The following ARMH3 variants were observed in gnomAD, a reference collection of about 807,000 sequenced individuals.
ARMH3 encodes armadillo-like helical domain-containing protein 3.
A neutral mutation model predicts 99.1 loss-of-function variants in ARMH3; 60 were observed. That is an observed-to-expected ratio of 0.61 (90% CI 0.49 to 0.75). The LOEUF (loss-of-function observed/expected upper bound fraction) is 0.75, where lower values mean the gene tolerates loss of function less well. ARMH3 is among the 30% of genes least tolerant of loss of function. The probability of loss-of-function intolerance (pLI) is 0.00; values close to 1 mark genes in which losing one functional copy is unlikely to be tolerated. For synonymous variants in ARMH3, 285 were observed against 292.8 expected (o/e 0.97, Z 0.27); for missense variants, 679 against 843.1 (o/e 0.81, Z 2.41).
At chr10:101,916,744 G>A (rs1192655466) in intron 23 of ARMH3, among the ~76,000 whole-genome samples, 2 of 152,088 alleles carry the variant, frequency 1.3e-5, no homozygotes, top group African/African-American at 2.4e-5. Context: ...CCATACACTG[G>A]GTAAAGAAGA....
chr10:102,022,961 G>A (rs1224309127), intron 8 of ARMH3, among the ~76,000 whole-genome samples: 1 of 151,834 alleles, frequency 6.6e-6, no homozygotes, highest in Non-Finnish European at 1.5e-5. Flanking sequence ...GGCCAAGGTG[G>A]GCAGATCACC....
At chr10:101,976,991 CT>C (rs919024449) in intron 19 of ARMH3, among the ~76,000 whole-genome samples, 1 of 151,760 alleles carries the variant, frequency 6.6e-6, no homozygotes, top group African/African-American at 2.4e-5. Flanking sequence ...CCTTTCTTTT[CT>C]TTTTTTTGCT....
chr10:102,030,902 C>T (rs1486724819), intron 4 of ARMH3, among the ~76,000 whole-genome samples: 2 of 151,988 alleles, frequency 1.3e-5, no homozygotes, highest in East Asian at 1.9e-4. Flanking sequence ...TCCCATGCTT[C>T]GGTCTTCCTA....
intron 23 of ARMH3, among the ~76,000 whole-genome samples, chr10:101,898,680 GCA>G (rs1233428609): frequency 6.6e-6 from 1 of 152,152 alleles, no homozygotes; most frequent in Non-Finnish European, 1.5e-5. Flanking sequence ...CTCAATACGC[GCA>G]CACGCGCACA....
chr10:101,975,955 C>T (rs1590117229), intron 19 of ARMH3, among the ~76,000 whole-genome samples: 1 of 150,122 alleles, frequency 6.7e-6, no homozygotes, highest in East Asian at 2.0e-4. Context: ...GAGATCAAGA[C>T]CATCCTGGCT....
intron 24 of ARMH3, among the ~76,000 whole-genome samples, chr10:101,869,697 A>AAC (rs2067089033): frequency 6.6e-6 from 1 of 152,202 alleles, no homozygotes; most frequent in South Asian, 2.1e-4. Context: ...AATCAAAGCA[A>AAC]ACAGAAGGAA....
intron 13 of ARMH3, among the ~76,000 whole-genome samples, chr10:102,007,178 A>AAAAAAAAAAAT (rs2066518222): frequency 6.7e-6 from 1 of 149,076 alleles, no homozygotes; most frequent in East Asian, 2.0e-4. Context: ...AAAAAAAAAA[A>AAAAAAAAAAAT]GAAAAAAAAA....
intron 24 of ARMH3, among the ~76,000 whole-genome samples, chr10:101,862,244 A>G (rs377429476): frequency 1.3e-5 from 2 of 152,158 alleles, no homozygotes; most frequent in East Asian, 3.8e-4. Context: ...ATACTATTAC[A>G]AGGTTTTCAC....
At chr10:101,922,924 T>C (rs1444078465) in intron 23 of ARMH3, among the ~76,000 whole-genome samples, 1 of 152,150 alleles carries the variant, frequency 6.6e-6, no homozygotes, top group Non-Finnish European at 1.5e-5. Flanking sequence ...AAATGGTGTC[T>C]AATGAGAGAG....
chr10:101,850,013 T>C, intron 24 of ARMH3, 121 bp from the exon 25 acceptor site: 1 of 771,184 alleles, frequency 1.3e-6, no homozygotes, highest in Non-Finnish European at 2.1e-6. Context: ...AAACCTTGCT[T>C]ATTACTTATC....
At chr10:101,948,986 A>C (rs1844672214) in intron 22 of ARMH3, among the ~76,000 whole-genome samples, 1 of 152,320 alleles carries the variant, frequency 6.6e-6, no homozygotes, top group African/African-American at 2.4e-5. Flanking sequence ...CACATTTCTA[A>C]AAAAATTCAA....
intron 8 of ARMH3, among the ~76,000 whole-genome samples, chr10:102,015,469 C>T (rs2066727899): frequency 1.3e-5 from 2 of 151,672 alleles, no homozygotes; most frequent in Admixed American, 6.6e-5. Context: ...CAGCTCACCA[C>T]AACCTCTGCC....
chr10:102,001,986 T>C lies in ARMH3; in HGVS notation c.1135A>G (p.Met379Val). 6.2e-7 allele frequency: 1 copy of C among 1,614,208 alleles called. No homozygotes were observed. The highest frequency in any genetic ancestry group is 8.5e-7 in the Non-Finnish European group (1 of 1,180,022). The change falls in exon 15 of 26, where the codon ATG becomes GTG. Residue 379 changes from methionine (M) to valine (V), a missense_variant. Met to Val is a conservative substitution (Grantham distance 21). This residue lies in a region of ARMH3 where 389 missense variants were observed against 456.5 expected (regional missense o/e 0.85). Transcript: ENST00000370033. ...ITFLKYSSIV[M>V]QDTKDEHRLH... ...TATGGCTTACCTTTGGTGTCCTGCA[T>C]GACAATTGAGCTATACTTTAAAAAG...
At chr10:101,862,205 A>G (rs1019427312) in intron 24 of ARMH3, among the ~76,000 whole-genome samples, 1 of 152,212 alleles carries the variant, frequency 6.6e-6, no homozygotes, top group Non-Finnish European at 1.5e-5. Flanking sequence ...CAACAATAGT[A>G]CCAATGAAAG....
intron 24 of ARMH3, among the ~76,000 whole-genome samples, chr10:101,862,660 C>T (rs959397452): frequency 1.1e-4 from 17 of 150,332 alleles, no homozygotes; most frequent in Admixed American, 7.3e-4. Context: ...AAAAAGAAAA[C>T]GAAAACGGAT....
At position 102,041,075 on chromosome 10, in the gene ARMH3, C is replaced by CATATATATATATATATAATATATAT. The variant is rs59281655; in HGVS notation, c.-11-951_-11-950insATATATATTATATATATATATATAT. 1.1e-4 allele frequency among the ~76,000 whole-genome samples: 15 copies of CATATATATATATATATAATATATAT among 132,004 alleles called. No individual in the cohort carries two copies. The East Asian group carries it at 2.9e-3, about 25-fold the overall frequency. 86.6% of individuals were successfully genotyped at this position (132,004 alleles called of 152,430 possible). A position where few individuals can be genotyped will look rare whatever the true frequency, so the allele number is the denominator to read the frequency against. ...CTACTTTCAAATTTAATTGTGTGTACATATATATATATATAATATATATAT... is the reference window on the plus strand; with the variant it reads ...CTACTTTCAAATTTAATTGTGTGTACATATATATATATATATAATATATATATATATATATATATAATATATATAT... On this transcript the variant is annotated intron_variant, in intron 1 of 25. Coordinates refer to ENST00000370033, the MANE Select transcript of ARMH3 (RefSeq NM_024541.3).
At position 102,029,607 on chromosome 10, in the gene ARMH3, T is replaced by C. The variant is rs375898093; in HGVS notation, c.414+31A>G. ...CAGGAACAGCTGTCAGAAGCTGCCA[T>C]CCACAGGCACATCTGCAGCTTATGC... On this transcript the variant is annotated intron_variant, in intron 5 of 25. Coordinates refer to ENST00000370033, the MANE Select transcript of ARMH3 (RefSeq NM_024541.3). 15 of 1,614,120 alleles carry C rather than the reference T, an allele frequency of 9.3e-6. No homozygotes were observed. In the African/African-American group the frequency reaches 1.1e-4, roughly 11 times the overall value.
chr10:101,999,607 T>G (rs2066301837), intron 15 of ARMH3, among the ~76,000 whole-genome samples: 1 of 152,200 alleles, frequency 6.6e-6, no homozygotes, highest in Non-Finnish European at 1.5e-5. Flanking sequence ...GCAAGCATTT[T>G]GGGGACAAAT....
intron 20 of ARMH3, among the ~76,000 whole-genome samples, chr10:101,967,985 T>C (rs1324203281): frequency 6.6e-6 from 1 of 152,114 alleles, no homozygotes; most frequent in Non-Finnish European, 1.5e-5. Context: ...ATCCTTTCTT[T>C]AAACGGAAAT....
Sources: allele counts gnomAD v4.1 joint callset (sites outside exome capture counted in the v4.1 genomes callset), GRCh38; gene constraint gnomAD v4.1.1; regional missense constraint gnomAD v4.1.1; transcripts MANE v1.5; gene names NCBI Gene and HGNC (gene_info 2026-07-23, HGNC 2026-07-21).